B3GALT1: variants seen among roughly 807,000 people sequenced by gnomAD.
The protein encoded by B3GALT1 is UDP-Gal:betaGlcNAc beta 1,3-galactosyltransferase, polypeptide 1.
A neutral mutation model predicts 23.2 loss-of-function variants in B3GALT1; 10 were observed. That is an observed-to-expected ratio of 0.43 (90% CI 0.27 to 0.73). The LOEUF (loss-of-function observed/expected upper bound fraction) is 0.73. Among genes scored for constraint, B3GALT1 ranks in the 30% least tolerant of loss-of-function variants. The pLI, the probability that B3GALT1 is intolerant of heterozygous loss-of-function variation, is 0.21. For missense variants in B3GALT1, 299 were observed against 405.4 expected (o/e 0.74, Z 2.25); for synonymous variants, 156 against 141.5 (o/e 1.10, Z -0.73).
chr2:167,634,621 A>T (rs1685515754), intron 2 of B3GALT1, among the ~76,000 whole-genome samples: 1 of 152,148 alleles, frequency 6.6e-6, no homozygotes, highest in Non-Finnish European at 1.5e-5. Flanking sequence ...AAATTCCTGG[A>T]CATATACATC....
chr2:167,491,659 A>C (rs1457293098), intron 2 of B3GALT1, among the ~76,000 whole-genome samples: 1 of 151,778 alleles, frequency 6.6e-6, no homozygotes, highest in Admixed American at 6.6e-5. Context: ...CTAAAAATAC[A>C]AAAAAATTAC....
intron 1 of B3GALT1, among the ~76,000 whole-genome samples, chr2:167,448,863 C>G (rs1699043721): frequency 6.6e-6 from 1 of 152,128 alleles, no homozygotes; most frequent in Non-Finnish European, 1.5e-5. Context: ...GGTGTGCTTT[C>G]TCCACTTTTT....
intron 3 of B3GALT1, among the ~76,000 whole-genome samples, chr2:167,781,504 ATC>A (rs1352182278): frequency 5.9e-5 from 9 of 152,186 alleles, no homozygotes; most frequent in African/African-American, 1.9e-4. Flanking sequence ...TGAAAGTTAT[ATC>A]TGTCTGTAAA....
At chr2:167,727,499 C>A (rs943599367) in intron 3 of B3GALT1, among the ~76,000 whole-genome samples, 1 of 152,174 alleles carries the variant, frequency 6.6e-6, no homozygotes, top group Non-Finnish European at 1.5e-5. Flanking sequence ...CCCAAAGATT[C>A]ATGTTCATTC....
At chr2:167,366,556 A>G (rs1471668074) in intron 1 of B3GALT1, among the ~76,000 whole-genome samples, 1 of 152,208 alleles carries the variant, frequency 6.6e-6, no homozygotes, top group African/African-American at 2.4e-5. Context: ...ATGAGTCATT[A>G]GAGTCATTAA....
intron 2 of B3GALT1, chr2:167,631,572 TG>T (rs1685446017): frequency 6.6e-6 from 1 of 151,788 alleles, no homozygotes; most frequent in South Asian, 2.1e-4. Flanking sequence ...TTTACTAATC[TG>T]GGTTCTTAAT....
At chr2:167,848,392 G>A (rs971308005) in intron 4 of B3GALT1, among the ~76,000 whole-genome samples, 7 of 151,944 alleles carry the variant, frequency 4.6e-5, no homozygotes, top group Admixed American at 1.3e-4. Context: ...AAGATAATCC[G>A]CCATGATCAA....
At position 167,835,114 on chromosome 2, in the gene B3GALT1, G is replaced by A. The variant is rs1043673476; in HGVS notation, c.-230+16321G>A. On this transcript the variant is annotated intron_variant, in intron 4 of 4. Transcript: ENST00000392690. The stretch of plus-strand genomic sequence containing the variant: ...TCCCAGCATGAGCGACGCAGAAGAC[G>A]GGTGATTTCTGCATTTCCATCTGAG... 4.6e-5 allele frequency among the ~76,000 whole-genome samples: 7 copies of A among 152,108 alleles called. No homozygotes were observed. In the South Asian group the frequency reaches 1.0e-3, roughly 22 times the overall value.
intron 3 of B3GALT1, chr2:167,814,799 T>C (rs12614700): frequency 0.12 from 18,042 of 152,252 alleles, 1,712 homozygotes; most frequent in East Asian, 0.42. Context: ...ATTGCATGAA[T>C]TTGGGCACAG....
chr2:167,418,012 G>C (rs754748400), intron 1 of B3GALT1, among the ~76,000 whole-genome samples: 4 of 152,162 alleles, frequency 2.6e-5, no homozygotes, highest in Non-Finnish European at 5.9e-5. Context: ...GCTTAGAAGA[G>C]TTTCTTAGCC....
chr2:167,808,903 C>T (rs570104859), intron 3 of B3GALT1, among the ~76,000 whole-genome samples: 29 of 152,296 alleles, frequency 1.9e-4, no homozygotes, highest in African/African-American at 7.0e-4. Context: ...CCATTCTCTC[C>T]ATCACTTTCA....
chr2:167,495,571 G>T (rs1483145918), intron 2 of B3GALT1, among the ~76,000 whole-genome samples: 3 of 152,100 alleles, frequency 2.0e-5, no homozygotes, highest in African/African-American at 7.2e-5. Flanking sequence ...AACCTCAGGT[G>T]ATCTGCCCGC....
chr2:167,614,177 A>G (rs1348927805), intron 2 of B3GALT1, among the ~76,000 whole-genome samples: 1 of 151,846 alleles, frequency 6.6e-6, no homozygotes. Flanking sequence ...GAGCAAATAA[A>G]TGCCTTATTT....
chr2:167,585,944 T>G (rs1327539751), intron 2 of B3GALT1, among the ~76,000 whole-genome samples: 1 of 152,246 alleles, frequency 6.6e-6, no homozygotes, highest in Non-Finnish European at 1.5e-5. Context: ...TTTATGGAAC[T>G]CAAACAAAAC....
At chr2:167,573,382 CA>C in intron 2 of B3GALT1, among the ~76,000 whole-genome samples, 1 of 151,768 alleles carries the variant, frequency 6.6e-6, no homozygotes, top group East Asian at 1.9e-4. Flanking sequence ...CCAGAGATGA[CA>C]GCAAATGTGA....
intron 3 of B3GALT1, among the ~76,000 whole-genome samples, chr2:167,783,458 C>T (rs1214909900): frequency 6.6e-6 from 1 of 152,118 alleles, no homozygotes; most frequent in Non-Finnish European, 1.5e-5. Context: ...GACTCTGAGT[C>T]ACTATGTGAT....
chr2:167,790,427 G>C, intron 3 of B3GALT1, among the ~76,000 whole-genome samples: 1 of 152,188 alleles, frequency 6.6e-6, no homozygotes, highest in Non-Finnish European at 1.5e-5. Flanking sequence ...TGGGTAAGCT[G>C]TGGCCACAGT....
At chr2:167,533,663 T>C (rs977833688) in intron 2 of B3GALT1, among the ~76,000 whole-genome samples, 33 of 152,216 alleles carry the variant, frequency 2.2e-4, no homozygotes, top group African/African-American at 7.7e-4. Flanking sequence ...TTTTGTACTA[T>C]TTTTAACCAC....
At chr2:167,559,614 G>A (rs984395953) in intron 2 of B3GALT1, among the ~76,000 whole-genome samples, 1 of 152,186 alleles carries the variant, frequency 6.6e-6, no homozygotes, top group South Asian at 2.1e-4. Flanking sequence ...GCTTAAAGGA[G>A]CTGATGGAGC....
Sources: allele counts gnomAD v4.1 joint callset (sites outside exome capture counted in the v4.1 genomes callset), GRCh38; gene constraint gnomAD v4.1.1; transcripts MANE v1.5; gene names NCBI Gene and HGNC (gene_info 2026-07-23, HGNC 2026-07-21).